KY: variants seen among roughly 807,000 people sequenced by gnomAD.
KY encodes kyphoscoliosis peptidase.
Under a neutral mutation model 76.1 loss-of-function variants are expected in KY, and 43 were observed. The observed-to-expected ratio is 0.57, with a 90% CI of 0.44 to 0.73. The LOEUF (loss-of-function observed/expected upper bound fraction) is 0.73. KY is among the 30% of genes least tolerant of loss of function. KY has a pLI of 0.00. For synonymous variants in KY, 277 were observed against 326.2 expected, an observed-to-expected ratio of 0.85 and a Z score of 1.63; for missense variants, 722 against 828.9, an observed-to-expected ratio of 0.87 and a Z score of 1.58.
intron 8 of KY, chr3:134,615,349 C>CTTTTTTT (rs35886668): frequency 2.1e-5 from 2 of 96,168 alleles, no homozygotes; most frequent in Admixed American, 1.2e-4. Flanking sequence ...GTTCAAGAAG[C>CTTTTTTT]TTTTTTTTTT....
intron 2 of KY, among the ~76,000 whole-genome samples, chr3:134,644,749 T>TG (rs1477134069): frequency 6.6e-6 from 1 of 151,998 alleles, no homozygotes; most frequent in Non-Finnish European, 1.5e-5. Context: ...CCAATCAAGG[T>TG]GGGGGGTGAG....
At chr3:134,635,804 A>G (rs1221215976) in intron 3 of KY, among the ~76,000 whole-genome samples, 2 of 152,174 alleles carry the variant, frequency 1.3e-5, no homozygotes, top group Non-Finnish European at 2.9e-5. Context: ...TAAAACAAAA[A>G]CTTGGATGAT....
At chr3:134,650,516 T>G (rs762495660) in intron 1 of KY, among the ~76,000 whole-genome samples, 1 of 152,040 alleles carries the variant, frequency 6.6e-6, no homozygotes, top group Non-Finnish European at 1.5e-5. Context: ...CCAGGGTATC[T>G]TCCAATCTTG....
chr3:134,640,771 G>A (rs1560139375), intron 3 of KY, among the ~76,000 whole-genome samples: 1 of 152,098 alleles, frequency 6.6e-6, no homozygotes, highest in Non-Finnish European at 1.5e-5. Context: ...CATTGCTCAG[G>A]TCCCAAGCCT....
chr3:134,635,662 T>C (rs1490332589), intron 3 of KY, among the ~76,000 whole-genome samples: 2 of 152,134 alleles, frequency 1.3e-5, no homozygotes, highest in Admixed American at 6.5e-5. Flanking sequence ...ACCATAGTGG[T>C]GGTTTCACAA....
chr3:134,607,593 TG>T (rs1959432421), intron 10 of KY: 1 of 985,492 alleles, frequency 1.0e-6, no homozygotes, highest in Non-Finnish European at 1.2e-6. Context: ...TGCCCAGCAC[TG>T]GATCAGGTGC....
At chr3:134,613,780 T>C (rs549338015) in intron 8 of KY, among the ~76,000 whole-genome samples, 1 of 152,360 alleles carries the variant, frequency 6.6e-6, no homozygotes, top group Admixed American at 6.5e-5. Flanking sequence ...AAAGCATTAT[T>C]GTTAATATGC....
At chr3:134,643,217 C>G in intron 3 of KY, 99 bp downstream of exon 3, 1 of 1,154,704 alleles carries the variant, frequency 8.7e-7, no homozygotes, top group East Asian at 2.4e-5. Flanking sequence ...ACCCTGCTCC[C>G]CATAGTCTGA....
rs1214990976 is a variant in KY at position 134,602,335 on chromosome 3, C to G, written c.*1244G>C. Reference sequence around the variant, plus strand: ...GAGGCGCTGCTGAGGGCCAGCTGGGCAGCTGAGGCCTCTCAGTCTGTGCCT... The same window carrying G: ...GAGGCGCTGCTGAGGGCCAGCTGGGGAGCTGAGGCCTCTCAGTCTGTGCCT... On this transcript the variant is annotated 3_prime_UTR_variant, in exon 11 of 11. Coordinates refer to ENST00000423778, the MANE Select transcript of KY (RefSeq NM_178554.6). Among the ~76,000 whole-genome samples the G allele has an allele frequency of 6.6e-6, 1 of 152,148 alleles. No homozygotes were observed. Among genetic ancestry groups the G allele is most frequent in the African/African-American group, 2.4e-5 (1 of 41,430 alleles).
chr3:134,603,525 C>G lies in KY; in HGVS notation c.*54G>C. The G allele has an allele frequency of 6.7e-7, 1 of 1,503,518 alleles. No individual in the cohort carries two copies. The highest frequency in any genetic ancestry group is 2.3e-5 in the East Asian group (1 of 43,816). The allele number at this position is 1,503,518 out of a possible 1,614,324, so 93.1% of individuals were successfully genotyped here. Reference sequence around the variant, plus strand: ...GCTCCCTGCACTTCCTTCGAGCCCTCCCTGGGGAGGTCTGGCCTTGGCCCT... The same window carrying G: ...GCTCCCTGCACTTCCTTCGAGCCCTGCCTGGGGAGGTCTGGCCTTGGCCCT... On this transcript the variant is annotated 3_prime_UTR_variant, in exon 11 of 11. Coordinates refer to ENST00000423778, the MANE Select transcript of KY (RefSeq NM_178554.6).
intron 10 of KY, chr3:134,606,937 T>C: frequency 2.0e-6 from 2 of 985,286 alleles, no homozygotes; most frequent in Non-Finnish European, 2.4e-6. Context: ...CCCTATTTTG[T>C]TTCCTTCCCC....
chr3:134,616,672 T>TG (rs1190867771), intron 8 of KY, among the ~76,000 whole-genome samples: 3 of 152,214 alleles, frequency 2.0e-5, no homozygotes, highest in Non-Finnish European at 4.4e-5. Context: ...AATGATAAGC[T>TG]GCAGGCCAGA....
rs1396493329 is a variant in KY, at chr3:134,635,629, TG to T, written c.263-5935del. Reference sequence around the variant, plus strand: ...TGTATATTCCGATGGTGGTGTATTCTGGATATTCTGATGATGGTAACCACCA... The same window carrying T: ...TGTATATTCCGATGGTGGTGTATTCTGATATTCTGATGATGGTAACCACCA... On this transcript the variant is annotated intron_variant, in intron 3 of 10. Coordinates refer to ENST00000423778, the MANE Select transcript of KY (RefSeq NM_178554.6). Among the ~76,000 whole-genome samples, 55 of 152,192 alleles carry T rather than the reference TG, an allele frequency of 3.6e-4. 1 individual carries two copies. The highest frequency in any genetic ancestry group is 5.9e-5 in the Non-Finnish European group (4 of 68,038).
Position 134,604,427 on chromosome 3 carries a change from A to G in KY, c.1138T>C (p.Phe380Leu), listed in dbSNP as rs1451848829. ...TGCTTGCCATTGAGCATGAACATGA[A>G]CAGCGTCGGGGCGCAGCTCTCAATG... ...VTIESCAPTL[F>L]MFMLNGKQEH... is the part of the protein sequence containing the mutation. The change falls in exon 11 of 11, where the codon TTC becomes CTC. Residue 380 changes from phenylalanine (F) to leucine (L), a missense_variant. By Grantham distance (22) the Phe-to-Leu change is conservative. Around this residue, in one of 2 missense-constraint regions of KY, gnomAD observed 552 missense variants for 680.9 expected, o/e 0.81. Coordinates refer to ENST00000423778, the MANE Select transcript of KY (RefSeq NM_178554.6). The G allele has an allele frequency of 2.5e-6, 4 of 1,613,624 alleles. No homozygotes were observed. The highest frequency in any genetic ancestry group is 3.4e-6 in the Non-Finnish European group (4 of 1,179,846).
intron 2 of KY, among the ~76,000 whole-genome samples, chr3:134,645,910 T>C (rs1403163431): frequency 1.3e-5 from 2 of 152,194 alleles, no homozygotes; most frequent in African/African-American, 2.4e-5. Flanking sequence ...ACCCGGAAGA[T>C]GGTAAAAATA....
intron 3 of KY, among the ~76,000 whole-genome samples, chr3:134,630,866 T>C (rs1964120730): frequency 6.6e-6 from 1 of 152,048 alleles, no homozygotes; most frequent in African/African-American, 2.4e-5. Flanking sequence ...GCAAACAGTT[T>C]TGAGATAAAT....
intron 4 of KY, among the ~76,000 whole-genome samples, chr3:134,628,271 C>T (rs1372373263): frequency 6.6e-6 from 1 of 152,178 alleles, no homozygotes; most frequent in Non-Finnish European, 1.5e-5. Context: ...AAGGTCAGGT[C>T]ATAATTAAAT....
chr3:134,642,036 C>T (rs1965827361), intron 3 of KY, among the ~76,000 whole-genome samples: 1 of 152,090 alleles, frequency 6.6e-6, no homozygotes, highest in Non-Finnish European at 1.5e-5. Context: ...GGTGGCAGGT[C>T]CTGCTGGGCC....
chr3:134,622,214 C>T (rs1288446009), intron 6 of KY, among the ~76,000 whole-genome samples: 3 of 152,100 alleles, frequency 2.0e-5, no homozygotes, highest in East Asian at 1.9e-4. Context: ...GTCCAAGGTA[C>T]GCAACCAAAA....
Sources: allele counts gnomAD v4.1 joint callset (sites outside exome capture counted in the v4.1 genomes callset), GRCh38; gene constraint gnomAD v4.1.1; regional missense constraint gnomAD v4.1.1; transcripts MANE v1.5; gene names NCBI Gene and HGNC (gene_info 2026-07-23, HGNC 2026-07-21).